Variants in LRRC2 observed in about 807,000 individuals in gnomAD.
LRRC2 encodes leucine-rich repeat-containing protein 2.
A neutral mutation model predicts 40.2 loss-of-function variants in LRRC2; 27 were observed. That is an observed-to-expected ratio of 0.67 (90% CI 0.49 to 0.93). The LOEUF (loss-of-function observed/expected upper bound fraction) is 0.93. Ranked by LOEUF, LRRC2 falls within the 40% of genes least tolerant of loss-of-function variation. LRRC2 has a pLI of 0.00. For synonymous variants in LRRC2, 147 were observed against 158.9 expected (o/e 0.92, Z 0.56); for missense variants, 402 against 439.6 (o/e 0.91, Z 0.76).
intron 3 of LRRC2, among the ~76,000 whole-genome samples, chr3:46,543,897 A>G (rs1297455342): frequency 6.6e-6 from 1 of 152,132 alleles, no homozygotes; most frequent in Non-Finnish European, 1.5e-5. Context: ...AGAGGTTTAC[A>G]GTAATAACCT....
chr3:46,524,486 G>A (rs986460940), intron 7 of LRRC2, among the ~76,000 whole-genome samples: 2 of 152,156 alleles, frequency 1.3e-5, no homozygotes, highest in African/African-American at 4.8e-5. Context: ...TCCCTGTACC[G>A]AAATTTCTGG....
intron 1 of LRRC2, among the ~76,000 whole-genome samples, chr3:46,556,394 T>C (rs565061019): frequency 1.2e-4 from 18 of 152,092 alleles, no homozygotes; most frequent in Non-Finnish European, 2.4e-4. Flanking sequence ...CCCAAAATGC[T>C]GGGATGACAG....
intron 1 of LRRC2, among the ~76,000 whole-genome samples, chr3:46,556,783 T>C (rs1704808747): frequency 6.6e-6 from 1 of 152,006 alleles, no homozygotes; most frequent in African/African-American, 2.4e-5. Context: ...TTCACCATGT[T>C]GATCAGGTTG....
intron 7 of LRRC2, among the ~76,000 whole-genome samples, chr3:46,525,447 C>T (rs372796974): frequency 6.6e-6 from 1 of 151,862 alleles, no homozygotes; most frequent in African/African-American, 2.4e-5. Context: ...GACAGTATCT[C>T]GCTATGTTAC....
intron 2 of LRRC2, chr3:46,551,097 G>T (rs34227041): frequency 0.08 from 12,947 of 162,070 alleles, 609 homozygotes; most frequent in South Asian, 0.17. Context: ...CAACAGAGTA[G>T]CCCCAAGCTG....
At chr3:46,551,751 CT>C (rs748541390) in intron 1 of LRRC2, 141 bp from the exon 2 acceptor site, 24,383 of 137,126 alleles carry the variant, frequency 0.18, 725 homozygotes, top group African/African-American at 0.22. Flanking sequence ...TGACAGTTTG[CT>C]TTTTTTTTTT....
chr3:46,521,272 T>G (rs1703959139), intron 8 of LRRC2, among the ~76,000 whole-genome samples: 2 of 152,198 alleles, frequency 1.3e-5, no homozygotes, highest in African/African-American at 4.8e-5. Flanking sequence ...ACATTTTAAG[T>G]GCACGTTTCC....
Position 46,522,412 on chromosome 3 carries a change from TAAATAAAC to T in LRRC2, c.930-762_930-755del, listed in dbSNP as rs375832543. On this transcript the variant is annotated intron_variant, in intron 7 of 8. Transcript: ENST00000395905. Reference sequence around the variant, plus strand: ...ATAAATAAATAAATAAATAAATAAATAAATAAACAAACGATAGGACAGGAACAGAGGCT... The same window carrying T: ...ATAAATAAATAAATAAATAAATAAATAAACGATAGGACAGGAACAGAGGCT... Among the ~76,000 whole-genome samples, 194 of 147,426 alleles carry T rather than the reference TAAATAAAC, an allele frequency of 1.3e-3. 1 individual carries two copies. Among genetic ancestry groups the T allele is most frequent in the East Asian group, 5.0e-3 (25 of 4,958 alleles).
Position 46,532,835 on chromosome 3 carries a change from A to T in LRRC2, c.565T>A (p.Cys189Ser). 1 of 1,614,044 alleles carries T rather than the reference A, an allele frequency of 6.2e-7. No individual in the cohort carries two copies. Among genetic ancestry groups the T allele is most frequent in the Non-Finnish European group, 8.5e-7 (1 of 1,179,938 alleles). Residue 189 changes from cysteine to serine, a missense_variant, in exon 5 of 9, where the codon TGT becomes AGT. Transcript: ENST00000395905. ...CAATCCAGTCTCTCTAGATTTTCACAATCTCCCAATTCTGGAGGAATGCTC... is the reference window on the plus strand; with the variant it reads ...CAATCCAGTCTCTCTAGATTTTCACTATCTCCCAATTCTGGAGGAATGCTC... ...LKSIPPELGD[C>S]ENLERLDCSG... is the part of the protein sequence containing the mutation.
chr3:46,552,256 A>G (rs1704672508), intron 1 of LRRC2, among the ~76,000 whole-genome samples: 1 of 152,024 alleles, frequency 6.6e-6, no homozygotes. Flanking sequence ...ATAATCAAGG[A>G]TAAGTTAGAT....
At position 46,539,125 on chromosome 3, in the gene LRRC2, G is replaced by A. The variant is rs768511504; in HGVS notation, c.410C>T (p.Pro137Leu). The part of the protein sequence containing the change: ...YISNTLIQII[P>L]TYIQLFQAMR... ...CGCTTGAAATAACTGAATATATGTAGGAATGATTTGAATCAAGGTATTGCT... is the reference window on the plus strand; with the variant it reads ...CGCTTGAAATAACTGAATATATGTAAGAATGATTTGAATCAAGGTATTGCT... Residue 137 changes from proline to leucine, a missense_variant, in exon 4 of 9, where the codon CCT becomes CTT. Transcript: ENST00000395905. 4 of 1,613,774 alleles carry A rather than the reference G, an allele frequency of 2.5e-6. No individual in the cohort carries two copies. Among genetic ancestry groups the A allele is most frequent in the Non-Finnish European group, 3.4e-6 (4 of 1,179,776 alleles).
At chr3:46,551,751 C>CTTTTTTTTTTTTTT (rs748541390) in intron 1 of LRRC2, 141 bp from the exon 2 acceptor site, 2 of 133,972 alleles carry the variant, frequency 1.5e-5, no homozygotes, top group African/African-American at 5.3e-5. Context: ...TGACAGTTTG[C>CTTTTTTTTTTTTTT]TTTTTTTTTT....
At chr3:46,559,002 G>A (rs963219435) in intron 1 of LRRC2, 1 of 152,156 alleles carries the variant, frequency 6.6e-6, no homozygotes, top group Non-Finnish European at 1.5e-5. Flanking sequence ...GAAATCTATT[G>A]CATAGCAGGG....
chr3:46,563,030 G>T (rs1252621760), intron 1 of LRRC2, among the ~76,000 whole-genome samples: 3 of 152,038 alleles, frequency 2.0e-5, no homozygotes, highest in Non-Finnish European at 4.4e-5. Flanking sequence ...TCGGCCAGAA[G>T]TCACTTCTTT....
chr3:46,536,471 G>T (rs1365647293), intron 4 of LRRC2, among the ~76,000 whole-genome samples: 1 of 152,148 alleles, frequency 6.6e-6, no homozygotes, highest in Non-Finnish European at 1.5e-5. Flanking sequence ...AAACTGAAGA[G>T]CAGAGAGATT....
chr3:46,546,425 C>G (rs1575356146), intron 2 of LRRC2, among the ~76,000 whole-genome samples: 2 of 152,276 alleles, frequency 1.3e-5, no homozygotes, highest in Middle Eastern at 6.8e-3. Context: ...GCGGGAAGTC[C>G]CAGTCTGGAC....
At chr3:46,552,975 A>C (rs73069996) in intron 1 of LRRC2, among the ~76,000 whole-genome samples, 7,391 of 152,246 alleles carry the variant, frequency 0.049, 275 homozygotes, top group South Asian at 0.15. Context: ...GCCCACCAAA[A>C]CTTTATGTCT....
At position 46,515,540 on chromosome 3, in the gene LRRC2, C is replaced by T. The variant is rs1345490493; in HGVS notation, c.*3474G>A. On this transcript the variant is annotated 3_prime_UTR_variant, in exon 9 of 9. Coordinates refer to ENST00000395905, the MANE Select transcript of LRRC2 (RefSeq NM_024512.5). Reference sequence around the variant, plus strand: ...ATATTTTCACAAGATATATATTCTCCTTTGGAATCTTTCTGCACATTTATA... The same window carrying T: ...ATATTTTCACAAGATATATATTCTCTTTTGGAATCTTTCTGCACATTTATA... 1 of 152,056 alleles carries T rather than the reference C, an allele frequency of 6.6e-6. No homozygotes were observed. Among genetic ancestry groups the T allele is most frequent in the Non-Finnish European group, 1.5e-5 (1 of 68,010 alleles). The allele number at this position is 152,056 out of a possible 1,614,324, so 9.4% of individuals were successfully genotyped here.
At chr3:46,519,690 C>T (rs1387178385) in intron 8 of LRRC2, among the ~76,000 whole-genome samples, 4 of 152,236 alleles carry the variant, frequency 2.6e-5, no homozygotes, top group Non-Finnish European at 1.5e-5. Context: ...TGAGTAAAAA[C>T]TCTCATTCCT....
Sources: allele counts gnomAD v4.1 joint callset (sites outside exome capture counted in the v4.1 genomes callset), GRCh38; gene constraint gnomAD v4.1.1; transcripts MANE v1.5; gene names NCBI Gene and HGNC (gene_info 2026-07-23, HGNC 2026-07-21).